Variants in RGS6 observed in about 807,000 individuals in gnomAD.
The protein encoded by RGS6 is regulator of G protein signaling 6.
RGS6 carries 30 observed loss-of-function variants against 78.5 expected under a neutral mutation model. That is an observed-to-expected ratio of 0.38 (90% CI 0.29 to 0.52). RGS6 has a LOEUF of 0.52. Among genes scored for constraint, RGS6 ranks in the 20% least tolerant of loss-of-function variants. The pLI, the probability that RGS6 is intolerant of heterozygous loss-of-function variation, is 0.85. For missense variants in RGS6, 495 were observed against 609.7 expected (o/e 0.81, Z 1.98); for synonymous variants, 206 against 206.0 (o/e 1.00, Z 0.00).
At chr14:72,028,187 C>T (rs2090239434) in intron 2 of RGS6, among the ~76,000 whole-genome samples, 1 of 152,220 alleles carries the variant, frequency 6.6e-6, no homozygotes, top group Admixed American at 6.5e-5. Flanking sequence ...TTTCATCAAT[C>T]TCAACTACTG....
chr14:72,156,045 A>G (rs10142618), intron 2 of RGS6, among the ~76,000 whole-genome samples: 25,527 of 152,208 alleles, frequency 0.17, 2,224 homozygotes, highest in Non-Finnish European at 0.18. Context: ...TCTGGGGTGC[A>G]GCCTGGGCAT....
At chr14:72,026,324 T>C (rs2089844882) in intron 2 of RGS6, among the ~76,000 whole-genome samples, 1 of 152,028 alleles carries the variant, frequency 6.6e-6, no homozygotes, top group African/African-American at 2.4e-5. Context: ...GAAGAATCGC[T>C]TGAACCCAGG....
intron 2 of RGS6, among the ~76,000 whole-genome samples, chr14:72,264,635 A>G (rs1175292822): frequency 6.6e-6 from 1 of 152,202 alleles, no homozygotes; most frequent in Non-Finnish European, 1.5e-5. Flanking sequence ...GTCTTCAAGA[A>G]CATAAATTAG....
rs1305147443 is a variant in RGS6, at chr14:72,203,698, T to A, written c.85-148397T>A. On this transcript the variant is annotated intron_variant, in intron 2 of 17. Transcript: ENST00000553525. ...CAGAGAGGGGAATCTGAGAGAAAGA[T>A]CCAAGATGGAAGCTACAGTGTTTTT... is the stretch of plus-strand genomic sequence containing the variant. Among the ~76,000 whole-genome samples, 4 of 152,184 alleles carry A rather than the reference T, an allele frequency of 2.6e-5. No homozygotes were observed. The South Asian group carries it at 6.2e-4, about 24-fold the overall frequency.
chr14:72,587,806 G>A, the RGS6 span, among the ~76,000 whole-genome samples: 2 of 152,170 alleles, frequency 1.3e-5, no homozygotes, highest in Non-Finnish European at 2.9e-5. Flanking sequence ...AAACCTTGGG[G>A]CACAACCCGC....
chr14:71,944,969 A>T (rs946927551), intron 1 of RGS6, among the ~76,000 whole-genome samples: 8 of 152,204 alleles, frequency 5.3e-5, no homozygotes, highest in Non-Finnish European at 1.0e-4. Context: ...GTACTTAAAT[A>T]TATCTAAACA....
chr14:71,922,782 G>C, the RGS6 span, among the ~76,000 whole-genome samples: 1 of 152,040 alleles, frequency 6.6e-6, no homozygotes, highest in East Asian at 1.9e-4. Flanking sequence ...GTACTGGCCA[G>C]GTATTTTGTA....
chr14:72,466,134 G>T (rs572194968), intron 7 of RGS6, among the ~76,000 whole-genome samples: 2 of 152,278 alleles, frequency 1.3e-5, no homozygotes, highest in Admixed American at 1.3e-4. Context: ...ATGAAAAGAT[G>T]TCCAATATTA....
intron 2 of RGS6, among the ~76,000 whole-genome samples, chr14:72,087,343 C>A (rs908905408): frequency 1.3e-5 from 2 of 152,072 alleles, no homozygotes; most frequent in African/African-American, 4.8e-5. Context: ...ATTGGCCAGG[C>A]TGGTTTTGAA....
At chr14:72,476,377 C>T (rs1025578004) in intron 10 of RGS6, among the ~76,000 whole-genome samples, 1 of 152,190 alleles carries the variant, frequency 6.6e-6, no homozygotes, top group Admixed American at 6.5e-5. Context: ...TCCAAACCCA[C>T]CCACAAAGAT....
intron 4 of RGS6, among the ~76,000 whole-genome samples, chr14:72,457,929 A>G (rs1049604506): frequency 1.3e-5 from 2 of 152,232 alleles, no homozygotes; most frequent in Non-Finnish European, 2.9e-5. Flanking sequence ...TGTACCAGAC[A>G]ATCACTTCAT....
At chr14:72,088,190 T>C (rs1029992047) in intron 2 of RGS6, among the ~76,000 whole-genome samples, 2 of 152,194 alleles carry the variant, frequency 1.3e-5, no homozygotes, top group African/African-American at 4.8e-5. Context: ...GGGTAGGGTT[T>C]TGATTAAATG....
chr14:71,898,595 A>G, the RGS6 span, among the ~76,000 whole-genome samples: 1 of 152,068 alleles, frequency 6.6e-6, no homozygotes, highest in African/African-American at 2.4e-5. Flanking sequence ...GGTTTGCTGC[A>G]CCCATCAACC....
intron 2 of RGS6, among the ~76,000 whole-genome samples, chr14:72,216,840 G>A (rs558718457): frequency 5.8e-4 from 88 of 152,150 alleles, no homozygotes; most frequent in African/African-American, 2.0e-3. Context: ...TATGTTGGGC[G>A]ACAAGGTGAC....
At chr14:72,359,414 G>A (rs1421408487) in intron 3 of RGS6, among the ~76,000 whole-genome samples, 1 of 152,144 alleles carries the variant, frequency 6.6e-6, no homozygotes. Flanking sequence ...TGAAGGGTAA[G>A]AAATCAAAAC....
chr14:72,344,405 G>C (rs1335829588), intron 2 of RGS6, among the ~76,000 whole-genome samples: 86 of 152,052 alleles, frequency 5.7e-4, no homozygotes, highest in Admixed American at 5.6e-3. Flanking sequence ...GCTTTTCCTT[G>C]AACATTGTTG....
intron 2 of RGS6, among the ~76,000 whole-genome samples, chr14:72,148,790 T>A (rs2096642921): frequency 1.3e-5 from 2 of 152,192 alleles, no homozygotes; most frequent in African/African-American, 4.8e-5. Context: ...GACTTTTACT[T>A]TGGACAGGTT....
chr14:72,154,459 C>G (rs372049144), intron 2 of RGS6, among the ~76,000 whole-genome samples: 33 of 152,268 alleles, frequency 2.2e-4, no homozygotes, highest in African/African-American at 7.7e-4. Flanking sequence ...AAAATGAAAT[C>G]TTCACAATTT....
intron 2 of RGS6, among the ~76,000 whole-genome samples, chr14:72,307,771 G>A (rs1334243316): frequency 1.3e-5 from 2 of 151,990 alleles, no homozygotes; most frequent in Non-Finnish European, 2.9e-5. Context: ...TTATATTGCT[G>A]TTTTTGGATT....
Sources: allele counts gnomAD v4.1 joint callset (sites outside exome capture counted in the v4.1 genomes callset), GRCh38; gene constraint gnomAD v4.1.1; transcripts MANE v1.5; gene names NCBI Gene and HGNC (gene_info 2026-07-23, HGNC 2026-07-21).